Variants in GARNL3 observed in about 807,000 individuals in gnomAD.
GARNL3 encodes the protein GTPase activating Rap/RanGAP domain like 3, also known as GTPase-activating Rap/Ran-GAP domain-like protein 3.
GARNL3 carries 63 observed loss-of-function variants against 125.0 expected under a neutral mutation model. The ratio of observed to expected loss-of-function variants is 0.50; its 90% CI spans 0.41 to 0.62. The LOEUF (loss-of-function observed/expected upper bound fraction) is 0.62. Among genes scored for constraint, GARNL3 ranks in the 20% least tolerant of loss-of-function variants. The probability of loss-of-function intolerance (pLI) is 0.00; values close to 1 mark genes in which losing one functional copy is unlikely to be tolerated. For synonymous variants in GARNL3, 439 were observed against 457.5 expected, an observed-to-expected ratio of 0.96 and a Z score of 0.52; for missense variants, 994 against 1,244.0, an observed-to-expected ratio of 0.80 and a Z score of 3.02.
At chr9:127,328,659 G>T (rs1034546520) in intron 7 of GARNL3, among the ~76,000 whole-genome samples, 6 of 152,042 alleles carry the variant, frequency 3.9e-5, no homozygotes, top group East Asian at 3.9e-4. Context: ...GGAACCAGGG[G>T]TGTCTCATTT....
chr9:127,332,972 T>C (rs781247328), intron 8 of GARNL3, 51 bp from the exon 9 acceptor site: 3 of 1,256,524 alleles, frequency 2.4e-6, no homozygotes, highest in Non-Finnish European at 2.3e-6. Flanking sequence ...AGTTAGAAAA[T>C]GAGGACTTGT....
rs2064409953 is a variant in GARNL3 at position 127,291,364 on chromosome 9, A to G, written c.219+122A>G. 6.2e-6 allele frequency: 5 copies of G among 806,554 alleles called. No homozygotes were observed. The East Asian group carries it at 1.3e-4, about 21-fold the overall frequency. 50.0% of individuals were successfully genotyped at this position (806,554 alleles called of 1,614,324 possible). ...CTTTTCAGAGCTTTGCTTGAAGCAA[A>G]TGGAAGGGAAATGTCAGTATTCTGG... On this transcript the variant is annotated intron_variant, in intron 2 of 27. Transcript: ENST00000373387.
intron 1 of GARNL3, among the ~76,000 whole-genome samples, chr9:127,283,886 C>A (rs1217171952): frequency 6.6e-6 from 1 of 152,148 alleles, no homozygotes. Context: ...TGGTGTATGA[C>A]CATAGCAGAG....
chr9:127,274,794 C>T (rs989577267), intron 1 of GARNL3, among the ~76,000 whole-genome samples: 5 of 152,188 alleles, frequency 3.3e-5, no homozygotes, highest in African/African-American at 1.2e-4. Context: ...AAACTGAACA[C>T]GCCACTTACC....
chr9:127,332,509 A>C (rs1334272760), intron 8 of GARNL3, among the ~76,000 whole-genome samples, 160 bp downstream of exon 8: 1 of 152,186 alleles, frequency 6.6e-6, no homozygotes, highest in Non-Finnish European at 1.5e-5. Context: ...GTTGTTGCCC[A>C]GTTTCATTCA....
chr9:127,371,559 A>G (rs1043800445), intron 22 of GARNL3, among the ~76,000 whole-genome samples: 2 of 152,204 alleles, frequency 1.3e-5, no homozygotes, highest in Non-Finnish European at 2.9e-5. Flanking sequence ...TACATTCCCC[A>G]TCTGTTTACC....
chr9:127,372,648 T>C (rs1307563702), intron 22 of GARNL3, among the ~76,000 whole-genome samples: 2 of 152,208 alleles, frequency 1.3e-5, no homozygotes, highest in African/African-American at 4.8e-5. Context: ...CACACTTCTT[T>C]TTGCACAGAC....
intron 16 of GARNL3, among the ~76,000 whole-genome samples, chr9:127,347,474 C>T (rs1350811583): frequency 6.6e-6 from 1 of 152,072 alleles, no homozygotes; most frequent in African/African-American, 2.4e-5. Flanking sequence ...CATTTGAGTA[C>T]AATTTTGGGG....
At chr9:127,344,522 G>T (rs996407268) in intron 15 of GARNL3, 183 bp downstream of exon 15, 12 of 594,272 alleles carry the variant, frequency 2.0e-5, no homozygotes, top group Non-Finnish European at 3.4e-5. Context: ...TTCTCTGCAG[G>T]CATCACTGAG....
rs545386814 is a variant in GARNL3 at position 127,375,009 on chromosome 9, T to C, written c.2162-8429T>C. 1.5e-4 allele frequency among the ~76,000 whole-genome samples: 23 copies of C among 152,268 alleles called. No homozygotes were observed. In the South Asian group the frequency reaches 4.8e-3, roughly 32 times the overall value. On this transcript the variant is annotated intron_variant, in intron 22 of 27. Coordinates refer to ENST00000373387, the MANE Select transcript of GARNL3 (RefSeq NM_032293.5). The stretch of plus-strand genomic sequence containing the variant: ...TGGCTAAAATGAAAACGATTGCTCG[T>C]AATCAGTGTTGGTAAGGATGTGAAG...
intron 2 of GARNL3, among the ~76,000 whole-genome samples, chr9:127,301,718 A>G (rs780205655): frequency 6.6e-5 from 10 of 152,088 alleles, no homozygotes; most frequent in Non-Finnish European, 1.2e-4. Flanking sequence ...TAGCTAACCC[A>G]CTAAGCAGCT....
chr9:127,335,887 T>TCTGAC (rs1167328269), intron 10 of GARNL3, among the ~76,000 whole-genome samples: 2 of 152,066 alleles, frequency 1.3e-5, no homozygotes, highest in Non-Finnish European at 2.9e-5. Context: ...GGAAAAAACC[T>TCTGAC]CTATCTAAGA....
chr9:127,353,314 C>T (rs4837143), intron 17 of GARNL3, among the ~76,000 whole-genome samples: 83,214 of 152,040 alleles, frequency 0.55, 23,185 homozygotes, highest in East Asian at 0.72. Context: ...CAAACTACTA[C>T]TGCTACAAAC....
At chr9:127,260,217 C>T (rs1225871881), upstream of GARNL3, among the ~76,000 whole-genome samples, 2 of 152,172 alleles carry the variant, frequency 1.3e-5, no homozygotes, top group African/African-American at 4.8e-5. Flanking sequence ...TTAAGTTAGC[C>T]TTGTCCTTCC....
chr9:127,303,509 A>T (rs943277225), intron 2 of GARNL3, among the ~76,000 whole-genome samples: 1 of 152,196 alleles, frequency 6.6e-6, no homozygotes, highest in African/African-American at 2.4e-5. Flanking sequence ...ATCAGCTTTC[A>T]TGCTTACATT....
At chr9:127,271,162 C>A (rs10117616) in intron 1 of GARNL3, among the ~76,000 whole-genome samples, 3 of 149,826 alleles carry the variant, frequency 2.0e-5, no homozygotes, top group Non-Finnish European at 2.9e-5. Context: ...CTTCATATAG[C>A]GAGAATTTAA....
intron 22 of GARNL3, among the ~76,000 whole-genome samples, chr9:127,374,044 G>A (rs926959110): frequency 3.3e-5 from 5 of 152,018 alleles, no homozygotes; most frequent in African/African-American, 9.7e-5. Context: ...CTTCACGCCT[G>A]TAATCCAGGC....
intron 7 of GARNL3, among the ~76,000 whole-genome samples, chr9:127,327,807 G>C (rs2065620291): frequency 6.6e-6 from 1 of 151,828 alleles, no homozygotes; most frequent in African/African-American, 2.4e-5. Context: ...TCACATTTCT[G>C]GTAAAAATTT....
chr9:127,229,762 G>A (rs1218326152), intron 1 of GARNL3, among the ~76,000 whole-genome samples: 2 of 152,170 alleles, frequency 1.3e-5, no homozygotes, highest in African/African-American at 4.8e-5. Context: ...TTCCCAAAGT[G>A]CTGGGTTACA....
Sources: allele counts gnomAD v4.1 joint callset (sites outside exome capture counted in the v4.1 genomes callset), GRCh38; gene constraint gnomAD v4.1.1; transcripts MANE v1.5; gene names NCBI Gene and HGNC (gene_info 2026-07-23, HGNC 2026-07-21).